The following TRPM3 variants were observed in gnomAD, a reference collection of about 807,000 sequenced individuals.
TRPM3 encodes long transient receptor potential channel 3.
TRPM3 carries 77 observed loss-of-function variants against 181.2 expected under a neutral mutation model. The ratio of observed to expected loss-of-function variants is 0.42; its 90% confidence interval spans 0.35 to 0.51. The LOEUF (loss-of-function observed/expected upper bound fraction) is 0.51. Among genes scored for constraint, TRPM3 ranks in the 20% least tolerant of loss-of-function variants. The pLI, the probability that TRPM3 is intolerant of heterozygous loss-of-function variation, is 0.01. For missense variants in TRPM3, 1,759 were observed against 2,196.7 expected, an observed-to-expected ratio of 0.80 and a Z score of 3.98; for synonymous variants, 745 against 796.4, an observed-to-expected ratio of 0.94 and a Z score of 1.09.
chr9:70,755,571 T>G (rs2076928227), intron 8 of TRPM3, among the ~76,000 whole-genome samples: 1 of 152,068 alleles, frequency 6.6e-6, no homozygotes, highest in African/African-American at 2.4e-5. Context: ...GGTTTCTTCA[T>G]GTTGAGGCTG....
chr9:70,629,106 A>G (rs2065215088), intron 12 of TRPM3, among the ~76,000 whole-genome samples: 1 of 150,680 alleles, frequency 6.6e-6, no homozygotes, highest in South Asian at 2.1e-4. Flanking sequence ...AGCGGTATAT[A>G]TTGGCAAGCA....
At chr9:70,938,795 T>A (rs2096854920) in intron 1 of TRPM3, among the ~76,000 whole-genome samples, 1 of 151,440 alleles carries the variant, frequency 6.6e-6, no homozygotes, top group African/African-American at 2.4e-5. Flanking sequence ...CACTAAAAAA[T>A]ACACACAAAA....
At chr9:71,093,586 A>G (rs918512851) in intron 1 of TRPM3, among the ~76,000 whole-genome samples, 2 of 152,224 alleles carry the variant, frequency 1.3e-5, no homozygotes, top group African/African-American at 4.8e-5. Flanking sequence ...GTCAGGCAAC[A>G]ATAGATGCTG....
chr9:70,996,059 C>T (rs1445240971), intron 1 of TRPM3, among the ~76,000 whole-genome samples: 3 of 149,382 alleles, frequency 2.0e-5, no homozygotes, highest in Non-Finnish European at 4.5e-5. Context: ...GTGTCTTACT[C>T]CTTTTATAAT....
At chr9:71,323,202 T>G (rs572427469) in intron 1 of TRPM3, among the ~76,000 whole-genome samples, 2 of 152,114 alleles carry the variant, frequency 1.3e-5, no homozygotes, top group Non-Finnish European at 2.9e-5. Context: ...TACAGTAGCC[T>G]TCATGTGTTA....
At chr9:71,360,215 A>G (rs1297315221) in intron 1 of TRPM3, among the ~76,000 whole-genome samples, 1 of 152,216 alleles carries the variant, frequency 6.6e-6, no homozygotes, top group Non-Finnish European at 1.5e-5. Context: ...AAGAGATAGT[A>G]GCCAATGTCC....
In TRPM3 at chr9:70,903,505, G is replaced by GT. The variant is rs531529604; in HGVS notation, c.178-38995_178-38994insA. ...GGCACTCCATTCAAAGTGTTTTTGGGGTTTTTTTTTTAATCCTGTAAAAAG... is the reference window on the plus strand; with the variant it reads ...GGCACTCCATTCAAAGTGTTTTTGGGTGTTTTTTTTTTAATCCTGTAAAAAG... On this transcript the variant is annotated intron_variant, in intron 1 of 25. Transcript: ENST00000677713. Among the ~76,000 whole-genome samples the GT allele has an allele frequency of 1.8e-3, 271 of 151,786 alleles. 1 individual carries two copies. Among genetic ancestry groups the GT allele is most frequent in the African/African-American group, 6.1e-3 (250 of 41,276 alleles).
chr9:70,958,187 C>T (rs987611935), intron 1 of TRPM3, among the ~76,000 whole-genome samples: 7 of 152,070 alleles, frequency 4.6e-5, no homozygotes, highest in African/African-American at 1.7e-4. Flanking sequence ...ATTCTATACC[C>T]CAAGCATGGG....
intron 1 of TRPM3, among the ~76,000 whole-genome samples, chr9:71,223,227 G>A (rs1379557600): frequency 6.6e-6 from 1 of 152,172 alleles, no homozygotes; most frequent in Non-Finnish European, 1.5e-5. Context: ...CTCAGCTACA[G>A]AAGGACAGGG....
At chr9:71,415,832 A>T (rs897571213) in intron 1 of TRPM3, among the ~76,000 whole-genome samples, 5 of 151,912 alleles carry the variant, frequency 3.3e-5, no homozygotes, top group African/African-American at 7.2e-5. Context: ...GATTTTTATA[A>T]AATATAAAAC....
chr9:70,611,210 G>T (rs1006360170), intron 18 of TRPM3, among the ~76,000 whole-genome samples: 15 of 151,776 alleles, frequency 9.9e-5, no homozygotes, highest in Non-Finnish European at 1.9e-4. Context: ...TTTATCCAAA[G>T]GTTGTGAATA....
chr9:71,210,445 G>T (rs563099990), intron 1 of TRPM3, among the ~76,000 whole-genome samples: 1 of 152,174 alleles, frequency 6.6e-6, no homozygotes, highest in African/African-American at 2.4e-5. Context: ...CCACTCCCTG[G>T]TCTGTGGGAA....
At chr9:71,366,723 A>G (rs929373716) in intron 1 of TRPM3, among the ~76,000 whole-genome samples, 3 of 152,168 alleles carry the variant, frequency 2.0e-5, no homozygotes, top group African/African-American at 7.2e-5. Context: ...TTTTTATTAC[A>G]TGACAGCTAT....
Position 70,591,176 on chromosome 9 carries a change from A to G in TRPM3, c.3078T>C (p.Ile1026=), listed in dbSNP as rs1564462938. The change falls in exon 22 of 26, where the codon ATT becomes ATC. Residue 1026 remains isoleucine, a synonymous_variant. Transcript: ENST00000677713. ...CAAAGCTCATCAGAACCACCAGCAT[A>G]ATGATGACAAAGTACATCATGTCTA... ...MMIDMMYFVI[I]MLVVLMSFGV... 3.1e-6 allele frequency: 5 copies of G among 1,614,142 alleles called. No individual in the cohort carries two copies. The highest frequency in any genetic ancestry group is 2.2e-5 in the East Asian group (1 of 44,866).
intron 1 of TRPM3, among the ~76,000 whole-genome samples, chr9:71,363,463 T>C (rs902073747): frequency 5.9e-5 from 9 of 152,192 alleles, no homozygotes; most frequent in Non-Finnish European, 8.8e-5. Flanking sequence ...CCAGTGTTAT[T>C]CTATTTGCAT....
chr9:70,929,431 A>T (rs2096753282), intron 1 of TRPM3, among the ~76,000 whole-genome samples: 1 of 152,112 alleles, frequency 6.6e-6, no homozygotes, highest in South Asian at 2.1e-4. Flanking sequence ...TGAACTCCTG[A>T]CCTCAAGTGA....
chr9:71,206,668 T>C (rs1040924114), intron 1 of TRPM3, among the ~76,000 whole-genome samples: 6 of 152,196 alleles, frequency 3.9e-5, no homozygotes, highest in African/African-American at 1.4e-4. Context: ...CTCATGCCTA[T>C]GTCCTAAATG....
intron 1 of TRPM3, among the ~76,000 whole-genome samples, chr9:71,420,989 G>GAGAGAGAAAAAGAGAAAA (rs2093757585): frequency 9.8e-6 from 1 of 101,804 alleles, no homozygotes; most frequent in Non-Finnish European, 2.0e-5. Context: ...GAGAGAAAAA[G>GAGAGAGAAAAAGAGAAAA]AGAGAGAAAA....
chr9:70,648,876 A>T (rs114498661), intron 9 of TRPM3, among the ~76,000 whole-genome samples: 2,697 of 152,286 alleles, frequency 0.018, 85 homozygotes, highest in African/African-American at 0.061. Context: ...TATAAAACCT[A>T]AAACTATGAA....
Sources: allele counts gnomAD v4.1 joint callset (sites outside exome capture counted in the v4.1 genomes callset), GRCh38; gene constraint gnomAD v4.1.1; transcripts MANE v1.5; gene names NCBI Gene and HGNC (gene_info 2026-07-23, HGNC 2026-07-21).